Variants in LRBA observed in about 807,000 individuals in gnomAD.
LRBA encodes LPS responsive beige-like anchor protein, also known as lipopolysaccharide-responsive and beige-like anchor protein.
A neutral mutation model predicts 330.0 loss-of-function variants in LRBA; 176 were observed. That is an observed-to-expected ratio of 0.53 (90% CI 0.47 to 0.60). The LOEUF (loss-of-function observed/expected upper bound fraction) is 0.60, where lower values mean the gene tolerates loss of function less well. Among genes scored for constraint, LRBA ranks in the 20% least tolerant of loss-of-function variants. The probability of loss-of-function intolerance (pLI) is 0.00; values close to 1 mark genes in which losing one functional copy is unlikely to be tolerated. For synonymous variants in LRBA, 1,230 were observed against 1,193.0 expected, an observed-to-expected ratio of 1.03 and a Z score of -0.64; for missense variants, 3,259 against 3,444.8, an observed-to-expected ratio of 0.95 and a Z score of 1.35.
At chr4:150,940,259 C>T (rs901347661) in intron 2 of LRBA, among the ~76,000 whole-genome samples, 1 of 151,114 alleles carries the variant, frequency 6.6e-6, no homozygotes, top group African/African-American at 2.4e-5. Flanking sequence ...AAAAAATAGC[C>T]TGGCAGGTGG....
At chr4:150,672,159 C>G (rs1367413875) in intron 37 of LRBA, among the ~76,000 whole-genome samples, 5 of 152,198 alleles carry the variant, frequency 3.3e-5, no homozygotes, top group South Asian at 4.2e-4. Flanking sequence ...AAATGGGGAG[C>G]TTCTTAAAAA....
chr4:150,340,124 G>GT (rs1581056921), intron 48 of LRBA, among the ~76,000 whole-genome samples: 1 of 152,210 alleles, frequency 6.6e-6, no homozygotes, highest in East Asian at 1.9e-4. Flanking sequence ...CACCATGGCT[G>GT]TAAGTTCCCT....
intron 28 of LRBA, chr4:150,841,039 T>G: frequency 8.3e-7 from 1 of 1,200,846 alleles, no homozygotes; most frequent in Admixed American, 2.7e-5. Context: ...GGTTCATATG[T>G]AATGACTTCT....
chr4:150,672,828 T>A (rs553183108), intron 37 of LRBA, among the ~76,000 whole-genome samples: 1 of 152,152 alleles, frequency 6.6e-6, no homozygotes, highest in African/African-American at 2.4e-5. Context: ...GTAATTTGCA[T>A]AAAGCCTGGC....
At chr4:150,269,330 A>AAAT (rs1331515124) in intron 56 of LRBA, among the ~76,000 whole-genome samples, 3 of 152,246 alleles carry the variant, frequency 2.0e-5, no homozygotes, top group African/African-American at 7.2e-5. Context: ...GAAAGTTGAG[A>AAAT]AATAATCCCT....
At chr4:150,538,814 CAAAA>C (rs35022729) in intron 40 of LRBA, among the ~76,000 whole-genome samples, 1 of 101,278 alleles carries the variant, frequency 9.9e-6, no homozygotes, top group Admixed American at 1.1e-4. Context: ...GGCCCTGTCT[CAAAA>C]AAAAAAAAAA....
At chr4:150,417,411 A>C (rs1747937016) in intron 46 of LRBA, among the ~76,000 whole-genome samples, 1 of 152,162 alleles carries the variant, frequency 6.6e-6, no homozygotes, top group South Asian at 2.1e-4. Context: ...TGTGCTACTG[A>C]AGATGAATGT....
chr4:150,348,248 T>C (rs1480289483), intron 48 of LRBA, among the ~76,000 whole-genome samples: 3 of 152,180 alleles, frequency 2.0e-5, no homozygotes, highest in African/African-American at 7.2e-5. Flanking sequence ...AACTAGCTGA[T>C]TGAGTGTACT....
intron 9 of LRBA, among the ~76,000 whole-genome samples, chr4:150,912,338 G>C (rs1190544278): frequency 1.3e-5 from 2 of 152,130 alleles, no homozygotes; most frequent in African/African-American, 4.8e-5. Context: ...GATTTTTATA[G>C]AAGGGTGAAC....
intron 33 of LRBA, among the ~76,000 whole-genome samples, chr4:150,805,689 G>A (rs1304638451): frequency 2.0e-5 from 3 of 151,708 alleles, no homozygotes. Context: ...GAAAGGAAAG[G>A]AAAGGAGAAG....
chr4:150,818,647 G>A (rs1293649250), intron 30 of LRBA, among the ~76,000 whole-genome samples: 1 of 151,802 alleles, frequency 6.6e-6, no homozygotes, highest in Admixed American at 6.6e-5. Context: ...TTTCCTACTG[G>A]AGGGAGAAAT....
chr4:150,610,235 T>G (rs1775098723), intron 37 of LRBA, among the ~76,000 whole-genome samples: 1 of 152,160 alleles, frequency 6.6e-6, no homozygotes. Flanking sequence ...TCTGCAGAAC[T>G]GTGTGATTTT....
chr4:150,290,579 TAAAAAG>T (rs1728156818), intron 53 of LRBA, among the ~76,000 whole-genome samples: 2 of 152,016 alleles, frequency 1.3e-5, no homozygotes, highest in South Asian at 2.1e-4. Context: ...TAAAGAAAAA[TAAAAAG>T]AGAAAGAGGA....
chr4:150,600,577 T>A (rs1177897289), intron 37 of LRBA, among the ~76,000 whole-genome samples: 1 of 151,784 alleles, frequency 6.6e-6, no homozygotes, highest in South Asian at 2.1e-4. Context: ...CCTTGGGTGA[T>A]TTTGGTCAGG....
chr4:150,805,451 A>AGGAAAG (rs1742546962), intron 33 of LRBA, among the ~76,000 whole-genome samples: 1 of 78,506 alleles, frequency 1.3e-5, no homozygotes, highest in South Asian at 4.1e-4. Flanking sequence ...GGAAAGGGAA[A>AGGAAAG]GGAAAGGAAA....
At position 150,559,661 on chromosome 4, in the gene LRBA, T is replaced by C. The variant is rs1318207801; in HGVS notation, c.6330+28387A>G. 2.3e-5 allele frequency among the ~76,000 whole-genome samples: 2 copies of C among 88,790 alleles called. 1 individual carries two copies. The highest frequency in any genetic ancestry group is 4.1e-4 in the Admixed American group (2 of 4,836). The allele number at this position is 88,790 out of a possible 152,430, so 58.2% of individuals were successfully genotyped here. ...ATTTATATAATATAATATATAATTA[T>C]AATATATATATTATATAATATATTA... On this transcript the variant is annotated intron_variant, in intron 40 of 56. Transcript: ENST00000651943.
At chr4:150,988,374 T>C (rs1044326685) in intron 2 of LRBA, among the ~76,000 whole-genome samples, 1 of 152,200 alleles carries the variant, frequency 6.6e-6, no homozygotes, top group Non-Finnish European at 1.5e-5. Context: ...CCCCAAAGTT[T>C]TGTAACCTTA....
chr4:150,271,029 T>C (rs1580851569), intron 56 of LRBA, among the ~76,000 whole-genome samples: 1 of 152,136 alleles, frequency 6.6e-6, no homozygotes, highest in Admixed American at 6.5e-5. Flanking sequence ...TTGGGACTGG[T>C]TGGACAGTGG....
chr4:150,563,060 G>T (rs751270899), intron 40 of LRBA, among the ~76,000 whole-genome samples: 40 of 152,112 alleles, frequency 2.6e-4, no homozygotes, highest in Non-Finnish European at 5.0e-4. Flanking sequence ...GCCTCTAAAA[G>T]TGCTGGGATT....
Sources: allele counts gnomAD v4.1 joint callset (sites outside exome capture counted in the v4.1 genomes callset), GRCh38; gene constraint gnomAD v4.1.1; transcripts MANE v1.5; gene names NCBI Gene and HGNC (gene_info 2026-07-23, HGNC 2026-07-21).